The following KANSL1 variants were observed in gnomAD, a reference collection of about 807,000 sequenced individuals.
The protein encoded by KANSL1 is KAT8 regulatory NSL complex subunit 1.
A neutral mutation model predicts 103.6 loss-of-function variants in KANSL1; 22 were observed. That is an observed-to-expected ratio of 0.21 (90% confidence interval 0.15 to 0.30). The LOEUF is 0.30. Ranked by LOEUF, KANSL1 falls within the 10% of genes least tolerant of loss-of-function variation. KANSL1 has a pLI of 1.00. For missense variants in KANSL1, 1,337 were observed against 1,399.8 expected, an observed-to-expected ratio of 0.96 and a Z score of 0.72; for synonymous variants, 600 against 527.6, an observed-to-expected ratio of 1.14 and a Z score of -1.88.
intron 2 of KANSL1, among the ~76,000 whole-genome samples, chr17:46,107,261 C>T (rs1369541619): frequency 1.3e-5 from 2 of 152,148 alleles, no homozygotes; most frequent in Non-Finnish European, 2.9e-5. Flanking sequence ...CGTTATTGCC[C>T]CATTTCTCTA....
intron 2 of KANSL1, among the ~76,000 whole-genome samples, chr17:46,154,928 T>A (rs888487430): frequency 6.6e-6 from 1 of 152,216 alleles, no homozygotes; most frequent in Non-Finnish European, 1.5e-5. Context: ...CCTAAAGTAC[T>A]GGGATTACAA....
chr17:46,195,130 A>G (rs2047562590), upstream of KANSL1, among the ~76,000 whole-genome samples: 1 of 152,262 alleles, frequency 6.6e-6, no homozygotes, highest in South Asian at 2.1e-4. Flanking sequence ...TCCACAAAAT[A>G]CAGTAGAAGG....
At position 46,066,017 on chromosome 17, in the gene KANSL1, T is replaced by C. The variant is rs552223337; in HGVS notation, c.1848+520A>G. 2.6e-5 allele frequency among the ~76,000 whole-genome samples: 4 copies of C among 152,200 alleles called. No individual in the cohort carries two copies. The East Asian group carries it at 7.7e-4, about 29-fold the overall frequency. On this transcript the variant is annotated intron_variant, in intron 6 of 14. Transcript: ENST00000432791. ...CTGGGACTACAGGTGTGCACCACCA[T>C]GCTTAATTTTTAAATACTTTGTAGA... is the stretch of plus-strand genomic sequence containing the variant.
At chr17:46,135,180 T>C (rs1461459375) in intron 2 of KANSL1, among the ~76,000 whole-genome samples, 1 of 152,098 alleles carries the variant, frequency 6.6e-6, no homozygotes, top group Non-Finnish European at 1.5e-5. Flanking sequence ...GCCTATCTTT[T>C]AGAAATAGAT....
intron 7 of KANSL1, chr17:46,049,902 G>A (rs1379754772): frequency 6.6e-6 from 1 of 151,898 alleles, no homozygotes; most frequent in Admixed American, 6.6e-5. Context: ...ATTATATCAT[G>A]GCACGCACAG....
intron 2 of KANSL1, among the ~76,000 whole-genome samples, chr17:46,161,428 T>C (rs1474517183): frequency 6.6e-6 from 1 of 150,804 alleles, no homozygotes; most frequent in Non-Finnish European, 1.5e-5. Context: ...AGAGCGAGAC[T>C]CTGTCTCAAA....
intron 1 of KANSL1, among the ~76,000 whole-genome samples, chr17:46,214,060 T>TA (rs2048261983): frequency 6.6e-6 from 1 of 152,222 alleles, no homozygotes; most frequent in Admixed American, 6.5e-5. Flanking sequence ...GAAAACACTC[T>TA]AAATTACCAA....
chr17:46,139,062 C>T (rs1184684626), intron 2 of KANSL1, among the ~76,000 whole-genome samples: 1 of 152,118 alleles, frequency 6.6e-6, no homozygotes, highest in Non-Finnish European at 1.5e-5. Context: ...GAAACTAGTG[C>T]CAATTCATTA....
chr17:46,194,762 A>G (rs1317153641), upstream of KANSL1, among the ~76,000 whole-genome samples: 2 of 152,260 alleles, frequency 1.3e-5, no homozygotes, highest in South Asian at 2.1e-4. Flanking sequence ...GTGGCTTACC[A>G]GAACCAATAT....
chr17:46,152,049 T>C (rs2532302), intron 2 of KANSL1, among the ~76,000 whole-genome samples: 18,702 of 150,318 alleles, frequency 0.12, 22 homozygotes, highest in Middle Eastern at 0.19. Context: ...TTCTAGTGTA[T>C]AGCAAAAGTT....
At chr17:46,102,111 C>G (rs2042347340) in intron 2 of KANSL1, among the ~76,000 whole-genome samples, 1 of 152,160 alleles carries the variant, frequency 6.6e-6, no homozygotes, top group African/African-American at 2.4e-5. Context: ...GTTAAATATC[C>G]CACATTTTAG....
In KANSL1 at chr17:46,033,105, C is replaced by A. The variant is rs774259324; in HGVS notation, c.2812G>T (p.Val938Leu). Residue 938 changes from valine (V) to leucine (L), a missense_variant, in exon 13 of 15, where the codon GTG (valine) becomes TTG (leucine). By Grantham distance (32) the Val-to-Leu change is conservative. This residue lies in a region of KANSL1 where 780 missense variants were observed against 923.4 expected (regional missense o/e 0.84). Coordinates refer to ENST00000432791, the MANE Select transcript of KANSL1 (RefSeq NM_015443.4). Reference protein sequence around the residue: ...ERARWLWTTSVPPQRRGSRSY... With the variant: ...ERARWLWTTSLPPQRRGSRSY... ...CTGCTGCCCCGCCGCTGGGGTGGCA[C>A]ACTCGTGGTCCACAGCCACCGTGCC... 2 of 1,596,348 alleles carry A rather than the reference C, an allele frequency of 1.3e-6. No individual in the cohort carries two copies. The highest frequency in any genetic ancestry group is 3.4e-5 in the Admixed American group (2 of 58,236).
At chr17:46,055,521 C>T (rs62060760) in intron 6 of KANSL1, among the ~76,000 whole-genome samples, 21,705 of 150,226 alleles carry the variant, frequency 0.14, 2,121 homozygotes, top group Middle Eastern at 0.22. Context: ...ACAAAAAATG[C>T]CCTGGAATAA....
intron 3 of KANSL1, among the ~76,000 whole-genome samples, chr17:46,087,039 T>A (rs940597371): frequency 6.6e-6 from 1 of 152,042 alleles, no homozygotes; most frequent in African/African-American, 2.4e-5. Context: ...AAGTGCCGGG[T>A]TGCAGGCATG....
chr17:46,197,744 C>T (rs1227696834), upstream of KANSL1, among the ~76,000 whole-genome samples: 1 of 152,262 alleles, frequency 6.6e-6, no homozygotes, highest in Admixed American at 6.5e-5. Context: ...GTCTTGCCAC[C>T]TCAAGCCAGC....
intron 2 of KANSL1, among the ~76,000 whole-genome samples, chr17:46,141,361 A>C (rs2147369141): frequency 6.6e-6 from 1 of 152,354 alleles, no homozygotes; most frequent in Admixed American, 6.5e-5. Context: ...GATTTAGATA[A>C]ACTTGGAGAC....
intron 7 of KANSL1, chr17:46,045,243 A>C (rs1000732905): frequency 3.9e-5 from 6 of 152,116 alleles, no homozygotes; most frequent in Non-Finnish European, 5.9e-5. Context: ...TGCCCTTTGG[A>C]GTTGGCTATC....
chr17:46,098,476 GAAAAGA>G (rs2042173579), intron 2 of KANSL1, among the ~76,000 whole-genome samples: 1 of 152,152 alleles, frequency 6.6e-6, no homozygotes, highest in African/African-American at 2.4e-5. Flanking sequence ...AATACAAAAG[GAAAAGA>G]AAATTACTTA....
chr17:46,041,554 T>C (rs2077316020), intron 7 of KANSL1: 1 of 152,156 alleles, frequency 6.6e-6, no homozygotes, highest in African/African-American at 2.4e-5. Flanking sequence ...CAGAATAGAA[T>C]GAAACACCAC....
Sources: allele counts gnomAD v4.1 joint callset (sites outside exome capture counted in the v4.1 genomes callset), GRCh38; gene constraint gnomAD v4.1.1; regional missense constraint gnomAD v4.1.1; transcripts MANE v1.5; gene names NCBI Gene and HGNC (gene_info 2026-07-23, HGNC 2026-07-21).